PCDHA10: variants seen among roughly 807,000 people sequenced by gnomAD.
PCDHA10 encodes protocadherin alpha-10.
A neutral mutation model predicts 61.2 loss-of-function variants in PCDHA10; 45 were observed. That is an observed-to-expected ratio of 0.74 (90% CI 0.58 to 0.94). The LOEUF (loss-of-function observed/expected upper bound fraction) is 0.94, where lower values mean the gene tolerates loss of function less well. Among genes scored for constraint, PCDHA10 ranks in the 40% least tolerant of loss-of-function variants. The probability of loss-of-function intolerance (pLI) is 0.00; values close to 1 mark genes in which losing one functional copy is unlikely to be tolerated. For synonymous variants in PCDHA10, 602 were observed against 548.8 expected (o/e 1.10, Z -1.35); for missense variants, 1,278 against 1,236.2 (o/e 1.03, Z -0.51).
chr5:141,001,749 T>C (rs1554258292), intron 3 of PCDHA10, among the ~76,000 whole-genome samples: 1 of 152,090 alleles, frequency 6.6e-6, no homozygotes, highest in African/African-American at 2.4e-5. Flanking sequence ...GCTGTTTCAG[T>C]GGTTGATGGC....
intron 1 of PCDHA10, among the ~76,000 whole-genome samples, chr5:140,878,502 G>A (rs782817563): frequency 2.0e-5 from 3 of 152,028 alleles, no homozygotes; most frequent in Admixed American, 6.5e-5. Flanking sequence ...CCATCTGTAC[G>A]ATACAGTACA....
chr5:140,899,584 G>A (rs2153464513), intron 1 of PCDHA10, among the ~76,000 whole-genome samples: 1 of 152,292 alleles, frequency 6.6e-6, no homozygotes, highest in African/African-American at 2.4e-5. Flanking sequence ...CGGTTTGCCA[G>A]TATTTTATTG....
At chr5:140,878,585 C>T (rs2057657468) in intron 1 of PCDHA10, among the ~76,000 whole-genome samples, 1 of 152,152 alleles carries the variant, frequency 6.6e-6, no homozygotes, top group African/African-American at 2.4e-5. Flanking sequence ...CTGCCCTGTG[C>T]CTATTACCAA....
intron 1 of PCDHA10, chr5:140,870,842 T>G (rs781830221): frequency 6.2e-7 from 1 of 1,613,798 alleles, no homozygotes; most frequent in Non-Finnish European, 8.5e-7. Flanking sequence ...AACAAGCTAG[T>G]ACCGCGGTCG....
intron 3 of PCDHA10, among the ~76,000 whole-genome samples, chr5:140,990,557 A>G (rs782726055): frequency 2.0e-5 from 3 of 152,166 alleles, no homozygotes; most frequent in Non-Finnish European, 4.4e-5. Flanking sequence ...TTACCCAAGA[A>G]CACACACCTG....
chr5:140,914,317 A>G (rs1016365389), intron 1 of PCDHA10, among the ~76,000 whole-genome samples: 15 of 152,122 alleles, frequency 9.9e-5, no homozygotes, highest in Non-Finnish European at 2.9e-5. Flanking sequence ...CCCCATTATC[A>G]TTGTACAAAG....
At chr5:141,003,039 T>C (rs2098108520) in intron 3 of PCDHA10, among the ~76,000 whole-genome samples, 1 of 152,216 alleles carries the variant, frequency 6.6e-6, no homozygotes, top group Admixed American at 6.5e-5. Flanking sequence ...AAAGCCCTCC[T>C]GGCCTTAACA....
In PCDHA10 at chr5:140,951,110, T is replaced by A. The variant is rs1230697929; in HGVS notation, c.2389-27839T>A. Reference sequence around the variant, plus strand: ...TTTTTCTGATAAGATTTCCTTTATTTTCATTCCTTACCAATAAGTTTTCCT... The same window carrying A: ...TTTTTCTGATAAGATTTCCTTTATTATCATTCCTTACCAATAAGTTTTCCT... On this transcript the variant is annotated intron_variant, in intron 1 of 3. Transcript: ENST00000307360. Among the ~76,000 whole-genome samples, 5 of 150,004 alleles carry A rather than the reference T, an allele frequency of 3.3e-5. No homozygotes were observed. The East Asian group carries it at 9.8e-4, about 29-fold the overall frequency.
intron 1 of PCDHA10, among the ~76,000 whole-genome samples, chr5:140,974,152 G>A (rs183558718): frequency 4.2e-4 from 64 of 152,284 alleles, no homozygotes; most frequent in Admixed American, 2.4e-3. Flanking sequence ...CTATACAAGG[G>A]TTTTTCTTTC....
intron 1 of PCDHA10, chr5:140,929,002 T>C (rs1584608620): frequency 6.2e-7 from 1 of 1,614,048 alleles, no homozygotes; most frequent in Non-Finnish European, 8.5e-7. Flanking sequence ...TTTCTTCGTG[T>C]GTACCAAGTT....
chr5:140,883,768 C>T, intron 1 of PCDHA10: 1 of 1,612,160 alleles, frequency 6.2e-7, no homozygotes, highest in Non-Finnish European at 8.5e-7. Flanking sequence ...GGCGGGTGGG[C>T]GAGCGTGCGC....
chr5:140,920,374 G>T (rs1427300257), intron 1 of PCDHA10, among the ~76,000 whole-genome samples: 1 of 151,964 alleles, frequency 6.6e-6, no homozygotes, highest in East Asian at 1.9e-4. Flanking sequence ...TATTCTTGTG[G>T]ATTCATATTA....
At chr5:140,965,903 A>T (rs73793545) in intron 1 of PCDHA10, among the ~76,000 whole-genome samples, 2,475 of 152,308 alleles carry the variant, frequency 0.016, 63 homozygotes, top group African/African-American at 0.056. Context: ...CTTGGATCCC[A>T]GGATGCTGGT....
At chr5:140,906,589 C>T (rs2072764004) in intron 1 of PCDHA10, among the ~76,000 whole-genome samples, 1 of 152,220 alleles carries the variant, frequency 6.6e-6, no homozygotes, top group South Asian at 2.1e-4. Context: ...TGACTACCTT[C>T]CTCTACTACT....
intron 1 of PCDHA10, chr5:140,875,686 G>C (rs17844351): frequency 0.022 from 35,932 of 1,613,570 alleles, 480 homozygotes; most frequent in East Asian, 0.061. Flanking sequence ...CAAAAGACAC[G>C]GGGACCTTCT....
intron 1 of PCDHA10, among the ~76,000 whole-genome samples, chr5:140,872,029 A>C (rs782304127): frequency 7.9e-5 from 12 of 152,224 alleles, no homozygotes; most frequent in Admixed American, 2.6e-4. Context: ...GGAACTGCTA[A>C]GCTCAAAGAA....
chr5:140,931,136 C>T (rs2087318079), intron 1 of PCDHA10, among the ~76,000 whole-genome samples: 1 of 152,166 alleles, frequency 6.6e-6, no homozygotes, highest in African/African-American at 2.4e-5. Context: ...GTGATATTTG[C>T]AGTGGATACT....
At chr5:140,889,637 G>A (rs184352635) in intron 1 of PCDHA10, among the ~76,000 whole-genome samples, 5 of 151,668 alleles carry the variant, frequency 3.3e-5, no homozygotes, top group Admixed American at 3.3e-4. Context: ...CTTTTCATTT[G>A]TGTTTGCAGG....
chr5:140,856,367 G>C lies in PCDHA10; in HGVS notation c.319G>C (p.Val107Leu). The change falls in exon 1 of 4, where the codon GTG becomes CTG. Residue 107 changes from valine to leucine, a missense_variant. Transcript: ENST00000307360. ...CGTGGAGTGCAGCATCCACCTGGAG[G>C]TGATCGTGGACAGGCCGCTGCAGGT... is the stretch of plus-strand genomic sequence containing the variant. Reference protein sequence around the residue: ...RSVECSIHLEVIVDRPLQVFH... With the variant: ...RSVECSIHLELIVDRPLQVFH... The C allele has an allele frequency of 6.3e-7, 1 of 1,598,612 alleles. No individual in the cohort carries two copies. The highest frequency in any genetic ancestry group is 8.6e-7 in the Non-Finnish European group (1 of 1,167,990).
Sources: gnomAD v4.1 joint callset for allele counts (sites outside exome capture counted in the v4.1 genomes callset) on GRCh38, gnomAD v4.1.1 for gene constraint, MANE v1.5 for transcripts, NCBI Gene and HGNC (gene_info 2026-07-23, HGNC 2026-07-21) for gene names.